Variants in TLCD2 observed in about 807,000 individuals in gnomAD.
The protein encoded by TLCD2 is TLC domain-containing protein 2.
A neutral mutation model predicts 14.0 loss-of-function variants in TLCD2; 12 were observed. That is an observed-to-expected ratio of 0.86 (90% CI 0.55 to 1.39). The LOEUF is 1.39. TLCD2 is among the 40% of genes most tolerant of loss of function. The pLI is 0.00. For synonymous variants in TLCD2, 166 were observed against 156.5 expected (o/e 1.06, Z -0.45); for missense variants, 360 against 346.8 (o/e 1.04, Z -0.30).
In TLCD2 at chr17:1,709,564, C is replaced by T. The variant is rs1423330679; in HGVS notation, c.277G>A (p.Gly93Arg). The T allele has an allele frequency of 3.9e-6, 6 of 1,537,118 alleles. No homozygotes were observed. In the East Asian group the frequency reaches 7.3e-5, roughly 19 times the overall value. ...AVSVGYFLAD[G>R]ADLLWNQTLG... is the part of the protein sequence containing the mutation. ...GTCTGGTTCCACAGCAGGTCAGCTC[C>T]GTCTGCCAGGAAGTAACCTGTGGGC... The change falls in exon 3 of 4, where the codon GGA becomes AGA. Residue 93 changes from glycine (G) to arginine (R), a missense_variant. Gly to Arg is a moderately radical substitution (Grantham distance 125). Transcript: ENST00000330676.
chr17:1,708,427 G>A (rs571180477), intron 3 of TLCD2, among the ~76,000 whole-genome samples: 4 of 151,824 alleles, frequency 2.6e-5, no homozygotes, highest in Non-Finnish European at 5.9e-5. Context: ...CCCAGGGAGG[G>A]GCTGTCTCAC....
At chr17:1,708,707 T>A (rs1914122268) in intron 3 of TLCD2, among the ~76,000 whole-genome samples, 1 of 151,992 alleles carries the variant, frequency 6.6e-6, no homozygotes. Flanking sequence ...ATGGTCTCGA[T>A]CTCCTGACCT....
rs1914189133 is a variant in TLCD2, at chr17:1,710,292, CCCGCGCTCTCGGCCGGGACT to C, written c.-70_-51del. The C allele has an allele frequency of 7.1e-7, 1 of 1,409,676 alleles. No homozygotes were observed. Among genetic ancestry groups the C allele is most frequent in the Non-Finnish European group, 9.2e-7 (1 of 1,086,700 alleles). 87.3% of individuals were successfully genotyped at this position (1,409,676 alleles called of 1,614,324 possible). Reference sequence around the variant, plus strand: ...GGAGTCCGGGTCGGTCCCCTCGGCGCCCGCGCTCTCGGCCGGGACTGGGAACCCGTTTCCCGGCAGGGCTG... The same window carrying C: ...GGAGTCCGGGTCGGTCCCCTCGGCGCGGGAACCCGTTTCCCGGCAGGGCTG... On this transcript the variant is annotated 5_prime_UTR_variant, in exon 1 of 4. Coordinates refer to ENST00000330676, the MANE Select transcript of TLCD2 (RefSeq NM_001164407.2). The surrounding 1 kb of genome is among the most constrained non-coding windows in gnomAD (Gnocchi z 6.1).
chr17:1,710,244 G>A lies in TLCD2; in HGVS notation c.-2C>T, dbSNP rs569737152. On this transcript the variant is annotated 5_prime_UTR_variant, in exon 1 of 4. Transcript: ENST00000330676. This position sits in a 1 kb window ranked among gnomAD's most constrained non-coding sequence, Gnocchi z 6.1. The stretch of plus-strand genomic sequence containing the variant: ...CACCAGGAGCCCCGTGGGCGCCATG[G>A]CCTGGCGGTTGGGGGGTTGCGGGGA... 9.3e-5 allele frequency: 141 copies of A among 1,520,312 alleles called. No individual in the cohort carries two copies. The African/African-American group carries it at 1.7e-3, about 18-fold the overall frequency. The allele number at this position is 1,520,312 out of a possible 1,614,324, so 94.2% of individuals were successfully genotyped here.
Position 1,709,584 on chromosome 17 carries a change from G to C in TLCD2, c.260-3C>G, listed in dbSNP as rs1914152696. 1.7e-5 allele frequency: 26 copies of C among 1,536,876 alleles called. No individual in the cohort carries two copies. The highest frequency in any genetic ancestry group is 2.2e-5 in the Non-Finnish European group (25 of 1,146,828). On this transcript the variant is annotated splice_polypyrimidine_tract_variant and splice_region_variant and intron_variant, in intron 2 of 3. Coordinates refer to ENST00000330676, the MANE Select transcript of TLCD2 (RefSeq NM_001164407.2). Reference sequence around the variant, plus strand: ...AGCTCCGTCTGCCAGGAAGTAACCTGTGGGCATGGGGGTAGGGGTTAGGCT... The same window carrying C: ...AGCTCCGTCTGCCAGGAAGTAACCTCTGGGCATGGGGGTAGGGGTTAGGCT...
In TLCD2 at chr17:1,707,754, G is replaced by A; in HGVS notation, c.*16C>T. 1 of 1,466,032 alleles carries A rather than the reference G, an allele frequency of 6.8e-7. No individual in the cohort carries two copies. Among genetic ancestry groups the A allele is most frequent in the Non-Finnish European group, 9.0e-7 (1 of 1,109,952 alleles). The allele number at this position is 1,466,032 out of a possible 1,614,324, so 90.8% of individuals were successfully genotyped here. A position where few individuals can be genotyped will look rare whatever the true frequency, so the allele number is the denominator to read the frequency against. ...CCTGGCCCCACCTCCCCCAGCGAGG[G>A]GCCCATGGCTTCTCTCTAGTCTTTC... On this transcript the variant is annotated 3_prime_UTR_variant, in exon 4 of 4. Transcript: ENST00000330676.
chr17:1,709,651 C>T, intron 2 of TLCD2, 70 bp from the exon 3 acceptor site: 3 of 1,325,816 alleles, frequency 2.3e-6, no homozygotes, highest in East Asian at 2.5e-5. Flanking sequence ...TCCAGCCCCC[C>T]CGCCCCGCCC....
In TLCD2 at chr17:1,710,320, C is replaced by T. The variant is rs1914190026; in HGVS notation, c.-78G>A. ...GCGCTCTCGGCCGGGACTGGGAACCCGTTTCCCGGCAGGGCTGGGGCCCCG... is the reference window on the plus strand; with the variant it reads ...GCGCTCTCGGCCGGGACTGGGAACCTGTTTCCCGGCAGGGCTGGGGCCCCG... On this transcript the variant is annotated 5_prime_UTR_variant, in exon 1 of 4. Coordinates refer to ENST00000330676, the MANE Select transcript of TLCD2 (RefSeq NM_001164407.2). The surrounding 1 kb of genome is among the most constrained non-coding windows in gnomAD (Gnocchi z 6.1). 3.0e-6 allele frequency: 4 copies of T among 1,329,022 alleles called. No individual in the cohort carries two copies. Among genetic ancestry groups the T allele is most frequent in the South Asian group, 1.6e-5 (1 of 61,456 alleles). 82.3% of individuals were successfully genotyped at this position (1,329,022 alleles called of 1,614,324 possible).
rs1240674032 is a variant in TLCD2, at chr17:1,709,550, C to T, written c.291G>A (p.Leu97=). Residue 97 remains leucine (L), a synonymous_variant, in exon 3 of 4, where the codon CTG becomes CTA. Transcript: ENST00000330676. ...GYFLADGADL[L]WNQTLGKTWD... is the part of the protein sequence containing the mutation. ...AGGTCTTGCCCAAGGTCTGGTTCCA[C>T]AGCAGGTCAGCTCCGTCTGCCAGGA... 1 of 1,537,030 alleles carries T rather than the reference C, an allele frequency of 6.5e-7. No homozygotes were observed.
chr17:1,709,502 C>G lies in TLCD2; in HGVS notation c.339G>C (p.Leu113Phe), dbSNP rs1914148898. Residue 113 changes from leucine (L) to phenylalanine (F), a missense_variant, in exon 3 of 4, where the codon TTG (leucine) becomes TTC (phenylalanine). Coordinates refer to ENST00000330676, the MANE Select transcript of TLCD2 (RefSeq NM_001164407.2). ...GKTWDLLCHH[L>F]VVVSCLSTAV... ...GCTTCTGCCCTCAGAGTCTCACCACCAAATGATGACAGAGAAGATCCCAGG... is the reference window on the plus strand; with the variant it reads ...GCTTCTGCCCTCAGAGTCTCACCACGAAATGATGACAGAGAAGATCCCAGG... 7 of 1,536,232 alleles carry G rather than the reference C, an allele frequency of 4.6e-6. No individual in the cohort carries two copies. The South Asian group carries it at 8.3e-5, about 18-fold the overall frequency.
chr17:1,703,208 CAA>C lies in TLCD2; in HGVS notation c.*4560_*4561del. ...AATCACAATCCAGTCCTGCCTTCCT[CAA>C]GTTTCACTGGCTCACCATGGTAGCA... is the stretch of plus-strand genomic sequence containing the variant. On this transcript the variant is annotated 3_prime_UTR_variant, in exon 4 of 4. Coordinates refer to ENST00000330676, the MANE Select transcript of TLCD2 (RefSeq NM_001164407.2). 6.6e-6 allele frequency: 1 copy of C among 152,322 alleles called. No homozygotes were observed. The highest frequency in any genetic ancestry group is 2.4e-5 in the African/African-American group (1 of 41,564). The allele number at this position is 152,322 out of a possible 1,614,324, so 9.4% of individuals were successfully genotyped here.
In TLCD2 at chr17:1,704,518, T is replaced by C. The variant is rs1226225850; in HGVS notation, c.*3252A>G. Reference sequence around the variant, plus strand: ...ATTACATTTAAATGCTCTGCTCTTATTTTCTGCTTGTGTTTAGCTCCTTCC... The same window carrying C: ...ATTACATTTAAATGCTCTGCTCTTACTTTCTGCTTGTGTTTAGCTCCTTCC... On this transcript the variant is annotated 3_prime_UTR_variant, in exon 4 of 4. Coordinates refer to ENST00000330676, the MANE Select transcript of TLCD2 (RefSeq NM_001164407.2). 1.3e-5 allele frequency: 2 copies of C among 152,138 alleles called. No individual in the cohort carries two copies. Among genetic ancestry groups the C allele is most frequent in the Non-Finnish European group, 2.9e-5 (2 of 68,042 alleles). The allele number at this position is 152,138 out of a possible 1,614,324, so 9.4% of individuals were successfully genotyped here.
rs1353291186 is a variant in TLCD2, at chr17:1,702,960, G to A, written c.*4810C>T. On this transcript the variant is annotated 3_prime_UTR_variant, in exon 4 of 4. Coordinates refer to ENST00000330676, the MANE Select transcript of TLCD2 (RefSeq NM_001164407.2). ...AAGTAGCTTGGTAGACATGGAGTCC[G>A]TCTTGAGGACCATTTCCCTGGGCCA... The A allele has an allele frequency of 6.6e-6, 1 of 152,102 alleles. No individual in the cohort carries two copies. The highest frequency in any genetic ancestry group is 2.4e-5 in the African/African-American group (1 of 41,430). 9.4% of individuals were successfully genotyped at this position (152,102 alleles called of 1,614,324 possible).
chr17:1,709,558 C>T lies in TLCD2; in HGVS notation c.283G>A (p.Asp95Asn), dbSNP rs1305222873. The T allele has an allele frequency of 6.5e-7, 1 of 1,537,152 alleles. No individual in the cohort carries two copies. The highest frequency in any genetic ancestry group is 1.2e-5 in the South Asian group (1 of 84,054). The change falls in exon 3 of 4, where the codon GAC becomes AAC. Residue 95 changes from aspartate (D) to asparagine (N), a missense_variant. Physicochemically the swap from Asp to Asn is conservative, Grantham distance 23 (BLOSUM62 1). Coordinates refer to ENST00000330676, the MANE Select transcript of TLCD2 (RefSeq NM_001164407.2). ...CCCAAGGTCTGGTTCCACAGCAGGT[C>T]AGCTCCGTCTGCCAGGAAGTAACCT... ...SVGYFLADGA[D>N]LLWNQTLGKT...
chr17:1,709,607 G>A (rs1419585845), intron 2 of TLCD2, 26 bp from the exon 3 acceptor site: 1 of 1,531,226 alleles, frequency 6.5e-7, no homozygotes, highest in East Asian at 2.4e-5. Flanking sequence ...TAGGGGTTAG[G>A]CTGCTCCAGA....
rs565647883 is a variant in TLCD2, at chr17:1,704,601, C to G, written c.*3169G>C. On this transcript the variant is annotated 3_prime_UTR_variant, in exon 4 of 4. Transcript: ENST00000330676. ...ATCCTTTGCGCCTGTTTTTATGACTCTATGATGGAGACTTCTCACAATCCC... is the reference window on the plus strand; with the variant it reads ...ATCCTTTGCGCCTGTTTTTATGACTGTATGATGGAGACTTCTCACAATCCC... 1 of 152,080 alleles carries G rather than the reference C, an allele frequency of 6.6e-6. No homozygotes were observed. Among genetic ancestry groups the G allele is most frequent in the South Asian group, 2.1e-4 (1 of 4,804 alleles). 9.4% of individuals were successfully genotyped at this position (152,080 alleles called of 1,614,324 possible).
rs760704775 is a variant in TLCD2 at position 1,707,883 on chromosome 17, G to A, written c.682C>T (p.Gln228Ter). ...GGGCTGGGTGGATGGGGTCGAGACT[G>A]TAGGACATCATTGACCAGAATACGG... ...GIRILVNDVL[Q>*]SRPHPPSPGH... Residue 228 changes from glutamine to a stop codon, truncating the protein, a stop_gained, in exon 4 of 4, where the codon CAG becomes TAG. Transcript: ENST00000330676. LOFTEE classifies it low-confidence loss of function (END_TRUNC). 1.7e-5 allele frequency: 26 copies of A among 1,537,294 alleles called. No individual in the cohort carries two copies. In the South Asian group the frequency reaches 2.7e-4, roughly 16 times the overall value.
Position 1,709,855 on chromosome 17 carries a change from G to C in TLCD2, c.208C>G (p.Pro70Ala). 1 of 1,535,246 alleles carries C rather than the reference G, an allele frequency of 6.5e-7. No individual in the cohort carries two copies. Among genetic ancestry groups the C allele is most frequent in the Non-Finnish European group, 8.7e-7 (1 of 1,146,748 alleles). Residue 70 changes from proline to alanine, a missense_variant, in exon 2 of 4, where the codon CCC becomes GCC. Pro to Ala is a conservative substitution (Grantham distance 27, BLOSUM62 -1). Transcript: ENST00000330676. ...GCCCAGCGCGGGTGGCCATGGATGG[G>C]GTCGGCGGCCATCTGAGGGTACAGT... The part of the protein sequence containing the change: ...LSLYPQMAAD[P>A]IHGHPRWALV...
chr17:1,708,494 T>A (rs2151145338), intron 3 of TLCD2, among the ~76,000 whole-genome samples: 1 of 142,212 alleles, frequency 7.0e-6, no homozygotes, highest in African/African-American at 2.6e-5. Flanking sequence ...TTTTTTTTTT[T>A]TTTTTTTTTT....
Sources: allele counts gnomAD v4.1 joint callset (sites outside exome capture counted in the v4.1 genomes callset), GRCh38; gene constraint gnomAD v4.1.1; non-coding constraint Gnocchi (gnomAD v3.1); transcripts MANE v1.5; gene names NCBI Gene and HGNC (gene_info 2026-07-23, HGNC 2026-07-21).